The following CASS4 variants were observed in gnomAD, a reference collection of about 807,000 sequenced individuals.
The protein encoded by CASS4 is cas scaffolding protein family member 4.
CASS4 carries 22 observed loss-of-function variants against 54.2 expected under a neutral mutation model. The observed-to-expected ratio is 0.41, with a 90% CI of 0.29 to 0.58. The LOEUF is 0.58. Among genes scored for constraint, CASS4 ranks in the 20% least tolerant of loss-of-function variants. The pLI, the probability that CASS4 is intolerant of heterozygous loss-of-function variation, is 0.36. For missense variants in CASS4, 854 were observed against 986.7 expected, an observed-to-expected ratio of 0.87 and a Z score of 1.80; for synonymous variants, 409 against 391.5, an observed-to-expected ratio of 1.04 and a Z score of -0.53.
intron 1 of CASS4, among the ~76,000 whole-genome samples, chr20:56,419,219 C>T (rs1979294842): frequency 6.6e-6 from 1 of 152,086 alleles, no homozygotes; most frequent in Non-Finnish European, 1.5e-5. Context: ...AAGAGAGCTG[C>T]CACGGAGGGG....
chr20:56,416,607 C>T (rs560660992), intron 1 of CASS4, among the ~76,000 whole-genome samples: 18 of 152,200 alleles, frequency 1.2e-4, no homozygotes, highest in Admixed American at 3.9e-4. Flanking sequence ...TCTTCATACA[C>T]AGCCCTTTTT....
At chr20:56,422,449 A>G (rs1051944895) in intron 1 of CASS4, among the ~76,000 whole-genome samples, 8 of 152,254 alleles carry the variant, frequency 5.3e-5, no homozygotes, top group African/African-American at 1.7e-4. Flanking sequence ...TGCCAATTCA[A>G]TGAAGCCTTA....
chr20:56,422,932 C>T (rs370809310), intron 1 of CASS4, among the ~76,000 whole-genome samples: 2 of 152,188 alleles, frequency 1.3e-5, no homozygotes, highest in African/African-American at 4.8e-5. Context: ...CTGGATAAAC[C>T]GGCCACAAAG....
At chr20:56,434,273 A>G (rs570142886) in intron 1 of CASS4, among the ~76,000 whole-genome samples, 1 of 152,310 alleles carries the variant, frequency 6.6e-6, no homozygotes, top group South Asian at 2.1e-4. Flanking sequence ...AGCTATAAAG[A>G]TGATCATTTC....
Position 56,458,940 on chromosome 20 carries a change from G to C in CASS4, c.*193G>C. ...ACTTACCCCGCAGGGGGTCAGGAAA[G>C]AGAGTCAGGTATGAGGTAAAGACCT... On this transcript the variant is annotated 3_prime_UTR_variant, in exon 6 of 6. Coordinates refer to ENST00000679887, the MANE Select transcript of CASS4 (RefSeq NM_020356.4). 1.7e-6 allele frequency: 1 copy of C among 584,350 alleles called. No homozygotes were observed. The highest frequency in any genetic ancestry group is 3.0e-6 in the Non-Finnish European group (1 of 329,996). 36.2% of individuals were successfully genotyped at this position (584,350 alleles called of 1,614,324 possible).
intron 1 of CASS4, among the ~76,000 whole-genome samples, chr20:56,436,174 C>A (rs117311092): frequency 0.015 from 2,317 of 152,080 alleles, 32 homozygotes; most frequent in South Asian, 0.026. Flanking sequence ...AACTGCCAAT[C>A]CAATTCAGAA....
At chr20:56,418,605 G>A (rs1469917067) in intron 1 of CASS4, among the ~76,000 whole-genome samples, 1 of 152,152 alleles carries the variant, frequency 6.6e-6, no homozygotes, top group Non-Finnish European at 1.5e-5. Context: ...CCACTGGGGT[G>A]GTACCCTGCT....
intron 2 of CASS4, among the ~76,000 whole-genome samples, chr20:56,444,782 G>T (rs1980624769): frequency 6.6e-6 from 1 of 152,180 alleles, no homozygotes; most frequent in Admixed American, 6.5e-5. Flanking sequence ...TTCCCAAAGT[G>T]CCTTGAGCAA....
Position 56,430,955 on chromosome 20 carries a change from T to C in CASS4, c.37-6209T>C, listed in dbSNP as rs116981881. ...CTGCCTCGAAGCCACACTAGGAAGG[T>C]GACCTTTTGTTCTGAATGCAGTTCT... On this transcript the variant is annotated intron_variant, in intron 1 of 5. Transcript: ENST00000679887. This position sits in a 1 kb window ranked among gnomAD's most constrained non-coding sequence, Gnocchi z 4.2. 0.014 allele frequency among the ~76,000 whole-genome samples: 2,148 copies of C among 152,320 alleles called. 32 individuals are homozygous for C. Among genetic ancestry groups the C allele is most frequent in the South Asian group, 0.032 (154 of 4,828 alleles).
At chr20:56,418,686 C>T (rs150196620) in intron 1 of CASS4, among the ~76,000 whole-genome samples, 52 of 152,208 alleles carry the variant, frequency 3.4e-4, no homozygotes, top group African/African-American at 1.2e-3. Context: ...TGTTTGAGAC[C>T]GCTGGTCGCC....
At chr20:56,436,330 A>G (rs536434763) in intron 1 of CASS4, among the ~76,000 whole-genome samples, 2 of 141,156 alleles carry the variant, frequency 1.4e-5, no homozygotes, top group East Asian at 4.5e-4. Context: ...ATGGATTGCT[A>G]TATATATGTG....
intron 1 of CASS4, among the ~76,000 whole-genome samples, chr20:56,413,762 A>C (rs1160902847): frequency 6.6e-6 from 1 of 151,616 alleles, no homozygotes; most frequent in Non-Finnish European, 1.5e-5. Flanking sequence ...ATTATATGTA[A>C]ATATCTTAGC....
intron 5 of CASS4, among the ~76,000 whole-genome samples, chr20:56,457,189 GA>G (rs1255579285): frequency 6.6e-6 from 1 of 152,116 alleles, no homozygotes; most frequent in African/African-American, 2.4e-5. Flanking sequence ...ACCCCCTTCT[GA>G]AAAAATCAGT....
chr20:56,446,021 C>G lies in CASS4; in HGVS notation c.561+20C>G. 1 of 1,521,190 alleles carries G rather than the reference C, an allele frequency of 6.6e-7. No individual in the cohort carries two copies. The highest frequency in any genetic ancestry group is 9.1e-7 in the Non-Finnish European group (1 of 1,097,406). 94.2% of individuals were successfully genotyped at this position (1,521,190 alleles called of 1,614,324 possible). ...CTGAAGGTGAGCCTTGTTCAGGGGC[C>G]CCTCATCACCCAGACCTCTGCGCCC... On this transcript the variant is annotated intron_variant, in intron 3 of 5. Transcript: ENST00000679887.
At chr20:56,443,172 T>G (rs1334404517) in intron 2 of CASS4, among the ~76,000 whole-genome samples, 1 of 150,972 alleles carries the variant, frequency 6.6e-6, no homozygotes, top group Admixed American at 6.6e-5. Context: ...GCATAGCTTG[T>G]CAGACCGGGT....
At chr20:56,416,938 C>T (rs531596249) in intron 1 of CASS4, among the ~76,000 whole-genome samples, 7 of 152,174 alleles carry the variant, frequency 4.6e-5, no homozygotes, top group Non-Finnish European at 1.0e-4. Context: ...AATTCAGCCT[C>T]AATTAAAGAG....
At position 56,460,180 on chromosome 20, in the gene CASS4, C is replaced by G. The variant is rs1198973326; in HGVS notation, c.*1433C>G. ...AACATAACATGATCTGTTGGGTTCT[C>G]TATTAATTTATTTCATACATTATAG... is the stretch of plus-strand genomic sequence containing the variant. On this transcript the variant is annotated 3_prime_UTR_variant, in exon 6 of 6. Coordinates refer to ENST00000679887, the MANE Select transcript of CASS4 (RefSeq NM_020356.4). The G allele has an allele frequency of 6.6e-6, 1 of 152,404 alleles. No individual in the cohort carries two copies. The highest frequency in any genetic ancestry group is 1.5e-5 in the Non-Finnish European group (1 of 67,978). 9.4% of individuals were successfully genotyped at this position (152,404 alleles called of 1,614,324 possible).
chr20:56,447,862 G>A (rs1425262397), intron 3 of CASS4, among the ~76,000 whole-genome samples: 1 of 152,184 alleles, frequency 6.6e-6, no homozygotes. Context: ...TTATCAATGG[G>A]CCGGGCGCGG....
Position 56,458,436 on chromosome 20 carries a change from T to G in CASS4, c.2050T>G (p.Phe684Val), listed in dbSNP as rs1981411451. 4.3e-6 allele frequency: 7 copies of G among 1,614,176 alleles called. No homozygotes were observed. In the East Asian group the frequency reaches 1.6e-4, roughly 36 times the overall value. Residue 684 changes from phenylalanine (F) to valine (V), a missense_variant, in exon 6 of 6, where the codon TTC becomes GTC. By Grantham distance (50) the Phe-to-Val change is conservative. Transcript: ENST00000679887. ...CTGCCGGCTCTACTTTGGGGCGCTC[T>G]TCAAAGCCATCAGCGCATTTCACGG... ...EHCRLYFGAL[F>V]KAISAFHGSL...
Sources: allele counts gnomAD v4.1 joint callset (sites outside exome capture counted in the v4.1 genomes callset), GRCh38; gene constraint gnomAD v4.1.1; non-coding constraint Gnocchi (gnomAD v3.1); transcripts MANE v1.5; gene names NCBI Gene and HGNC (gene_info 2026-07-23, HGNC 2026-07-21).